RPAP3: variants seen among roughly 807,000 people sequenced by gnomAD.
The protein encoded by RPAP3 is RNA polymerase II associated protein 3.
A neutral mutation model predicts 88.8 loss-of-function variants in RPAP3; 58 were observed. The ratio of observed to expected loss-of-function variants is 0.65; its 90% CI spans 0.53 to 0.81. RPAP3 has a LOEUF of 0.81. Ranked by LOEUF, RPAP3 falls within the 40% of genes least tolerant of loss-of-function variation. The pLI is 0.00. For synonymous variants in RPAP3, 255 were observed against 259.9 expected, an observed-to-expected ratio of 0.98 and a Z score of 0.18; for missense variants, 751 against 764.3, an observed-to-expected ratio of 0.98 and a Z score of 0.20.
At chr12:47,697,764 GGAAAAAAAA>G (rs1565723158) in intron 3 of RPAP3, 45 bp from the exon 4 acceptor site, 1 of 1,521,286 alleles carries the variant, frequency 6.6e-7, no homozygotes, top group East Asian at 2.4e-5. Context: ...TATATGATTA[GGAAAAAAAA>G]GAAAAAAAGA....
chr12:47,700,930 T>G (rs1475098762), intron 3 of RPAP3, among the ~76,000 whole-genome samples: 1 of 152,156 alleles, frequency 6.6e-6, no homozygotes, highest in African/African-American at 2.4e-5. Context: ...TTCTGACTGT[T>G]TAGGGGTTAG....
chr12:47,688,926 C>A (rs1939375945), intron 7 of RPAP3, among the ~76,000 whole-genome samples, 199 bp downstream of exon 7: 3 of 152,210 alleles, frequency 2.0e-5, no homozygotes, highest in African/African-American at 7.2e-5. Flanking sequence ...TCTCAGGCAA[C>A]TTCTAGAACA....
chr12:47,697,774 GA>G lies in RPAP3; in HGVS notation c.295-56del, dbSNP rs142105667. ...ATAATTATATGATTAGGAAAAAAAA[GA>G]AAAAAAGACATACTAAAAAAATACA... On this transcript the variant is annotated intron_variant, in intron 3 of 16. Transcript: ENST00000005386. 12,315 of 1,467,272 alleles carry G rather than the reference GA, an allele frequency of 8.4e-3. 778 individuals are homozygous for G. The African/African-American group carries it at 0.14, about 17-fold the overall frequency. 90.9% of individuals were successfully genotyped at this position (1,467,272 alleles called of 1,614,324 possible).
At chr12:47,672,041 G>A (rs1345350517) in intron 12 of RPAP3, among the ~76,000 whole-genome samples, 4 of 151,726 alleles carry the variant, frequency 2.6e-5, no homozygotes, top group Non-Finnish European at 4.4e-5. Context: ...AAGAGAAAAA[G>A]GGACCAAACA....
At position 47,681,713 on chromosome 12, in the gene RPAP3, A is replaced by G; in HGVS notation, c.1097T>C (p.Leu366Pro). The change falls in exon 10 of 17, where the codon CTA becomes CCA. Residue 366 changes from leucine (L) to proline (P), a missense_variant. By Grantham distance (98) the Leu-to-Pro change is moderately conservative (BLOSUM62 -3). Coordinates refer to ENST00000005386, the MANE Select transcript of RPAP3 (RefSeq NM_024604.3). Reference sequence around the variant, plus strand: ...AGTCTTACCTTGTTTTGCCTCATTTAGCTTTCCCAAAAATGTTCTTGCAGT... The same window carrying G: ...AGTCTTACCTTGTTTTGCCTCATTTGGCTTTCCCAAAAATGTTCTTGCAGT... The part of the protein sequence containing the change: ...RGTARTFLGK[L>P]NEAKQDFETV... 6.2e-7 allele frequency: 1 copy of G among 1,612,492 alleles called. No individual in the cohort carries two copies. Among genetic ancestry groups the G allele is most frequent in the Non-Finnish European group, 8.5e-7 (1 of 1,179,300 alleles).
At chr12:47,670,414 A>AC (rs775023085) in intron 12 of RPAP3, 69 bp from the exon 13 acceptor site, 2 of 857,380 alleles carry the variant, frequency 2.3e-6, no homozygotes, top group Non-Finnish European at 3.6e-6. Flanking sequence ...TCACAAGTTA[A>AC]AAGGCTGCAA....
intron 12 of RPAP3, among the ~76,000 whole-genome samples, chr12:47,673,294 T>C (rs566791309): frequency 6.6e-6 from 1 of 151,750 alleles, no homozygotes; most frequent in African/African-American, 2.4e-5. Context: ...AATACAAAAA[T>C]TAGCCAGGCA....
At chr12:47,692,040 T>A (rs896718567) in intron 5 of RPAP3, among the ~76,000 whole-genome samples, 4 of 152,208 alleles carry the variant, frequency 2.6e-5, no homozygotes, top group African/African-American at 7.2e-5. Context: ...GTCTCAACAG[T>A]TGGCTTAAAA....
At chr12:47,675,855 G>T (rs909441389) in intron 12 of RPAP3, among the ~76,000 whole-genome samples, 1 of 152,148 alleles carries the variant, frequency 6.6e-6, no homozygotes, top group Non-Finnish European at 1.5e-5. Flanking sequence ...AGGTTAACAA[G>T]GATATCCAGG....
At chr12:47,683,064 G>A (rs1939256121) in intron 9 of RPAP3, among the ~76,000 whole-genome samples, 2 of 152,056 alleles carry the variant, frequency 1.3e-5, no homozygotes, top group African/African-American at 2.4e-5. Flanking sequence ...CCATCAACCT[G>A]CCTACTCCCA....
chr12:47,677,236 T>A (rs1939134869), intron 12 of RPAP3, among the ~76,000 whole-genome samples: 1 of 152,096 alleles, frequency 6.6e-6, no homozygotes, highest in Admixed American at 6.6e-5. Context: ...ATTGATGGAA[T>A]GTTTCTCAAA....
chr12:47,701,447 T>A lies in RPAP3; in HGVS notation c.294+17A>T. 1 of 1,532,894 alleles carries A rather than the reference T, an allele frequency of 6.5e-7. No individual in the cohort carries two copies. The highest frequency in any genetic ancestry group is 1.3e-5 in the South Asian group (1 of 75,968). 95.0% of individuals were successfully genotyped at this position (1,532,894 alleles called of 1,614,324 possible). ...TTTTACTCAAATATTAAGAAGCAAA[T>A]GACTAGATTAACTTACCACATCAAG... On this transcript the variant is annotated intron_variant, in intron 3 of 16. Coordinates refer to ENST00000005386, the MANE Select transcript of RPAP3 (RefSeq NM_024604.3).
chr12:47,688,541 C>T (rs1939369218), intron 7 of RPAP3, among the ~76,000 whole-genome samples: 1 of 151,996 alleles, frequency 6.6e-6, no homozygotes, highest in South Asian at 2.1e-4. Flanking sequence ...AAAGTAGTTG[C>T]TCATTTATTC....
intron 5 of RPAP3, among the ~76,000 whole-genome samples, chr12:47,692,938 G>A (rs1462610592): frequency 6.6e-6 from 1 of 152,094 alleles, no homozygotes; most frequent in African/African-American, 2.4e-5. Flanking sequence ...GGAGTGCAGC[G>A]GCATGATCTC....
chr12:47,669,441 C>T (rs953501826), intron 13 of RPAP3, among the ~76,000 whole-genome samples: 1 of 151,906 alleles, frequency 6.6e-6, no homozygotes, highest in African/African-American at 2.4e-5. Context: ...TGATCATTTT[C>T]AAGATATTCC....
At chr12:47,696,938 G>GT (rs538439759) in intron 4 of RPAP3, among the ~76,000 whole-genome samples, 30 of 152,242 alleles carry the variant, frequency 2.0e-4, no homozygotes, top group Middle Eastern at 3.4e-3. Flanking sequence ...CTGTTCAAGG[G>GT]TAACTGTACA....
At position 47,670,126 on chromosome 12, in the gene RPAP3, T is replaced by C. The variant is rs1255335575; in HGVS notation, c.1507A>G (p.Ser503Gly). The change falls in exon 13 of 17, where the codon AGT becomes GGT. Residue 503 changes from serine (S) to glycine (G), a missense_variant. Physicochemically the swap from Ser to Gly is moderately conservative, Grantham distance 56. Transcript: ENST00000005386. The part of the protein sequence containing the change: ...RAKVLKIEEV[S>G]DTSSLQPQAS... ...ACTCACTGCAGGGATGAAGTATCACTGACTTCTTCTATTTTCAATACTTTT... is the reference window on the plus strand; with the variant it reads ...ACTCACTGCAGGGATGAAGTATCACCGACTTCTTCTATTTTCAATACTTTT... 6.2e-7 allele frequency: 1 copy of C among 1,604,252 alleles called. No individual in the cohort carries two copies. Among genetic ancestry groups the C allele is most frequent in the Non-Finnish European group, 8.5e-7 (1 of 1,171,066 alleles).
chr12:47,704,797 G>C (rs1350792979), intron 1 of RPAP3, among the ~76,000 whole-genome samples: 1 of 151,976 alleles, frequency 6.6e-6, no homozygotes, highest in East Asian at 1.9e-4. Context: ...AATAGCTTGG[G>C]CTCAGGAGTT....
chr12:47,704,407 C>T (rs143677731), intron 1 of RPAP3, among the ~76,000 whole-genome samples: 54 of 152,116 alleles, frequency 3.5e-4, no homozygotes, highest in African/African-American at 1.2e-3. Context: ...CTTGCTCTGT[C>T]GCCCAGGCTG....
Sources: allele counts gnomAD v4.1 joint callset (sites outside exome capture counted in the v4.1 genomes callset), GRCh38; gene constraint gnomAD v4.1.1; transcripts MANE v1.5; gene names NCBI Gene and HGNC (gene_info 2026-07-23, HGNC 2026-07-21).